APCDD1: variants seen among roughly 807,000 people sequenced by gnomAD.
APCDD1 encodes protein APCDD1.
APCDD1 carries 15 observed loss-of-function variants against 38.1 expected under a neutral mutation model. The ratio of observed to expected loss-of-function variants is 0.39; its 90% CI spans 0.26 to 0.61. APCDD1 has a LOEUF of 0.61. Ranked by LOEUF, APCDD1 falls within the 20% of genes least tolerant of loss-of-function variation. The pLI is 0.49. For missense variants in APCDD1, 647 were observed against 696.2 expected (o/e 0.93, Z 0.79); for synonymous variants, 261 against 279.7 (o/e 0.93, Z 0.67).
At chr18:10,479,509 G>A (rs1319857040) in intron 3 of APCDD1, among the ~76,000 whole-genome samples, 1 of 152,206 alleles carries the variant, frequency 6.6e-6, no homozygotes, top group Non-Finnish European at 1.5e-5. Flanking sequence ...AGAAAGCCTG[G>A]AGAATCCCCA....
rs913865447 is a variant in APCDD1, at chr18:10,476,831, A to C, written c.774+4770A>C. On this transcript the variant is annotated intron_variant, in intron 3 of 4. Coordinates refer to ENST00000355285, the MANE Select transcript of APCDD1 (RefSeq NM_153000.5). The surrounding 1 kb of genome is among the most constrained non-coding windows in gnomAD (Gnocchi z 5.8). ...TGGGAGTACCTGAGAACTGCAGAAA[A>C]AGAGCATGCTGTGCTTTCTCTCTCA... The C allele has an allele frequency of 6.6e-6, 1 of 152,250 alleles. No individual in the cohort carries two copies. The highest frequency in any genetic ancestry group is 1.5e-5 in the Non-Finnish European group (1 of 68,052). 9.4% of individuals were successfully genotyped at this position (152,250 alleles called of 1,614,324 possible). A position where few individuals can be genotyped will look rare whatever the true frequency, so the allele number is the denominator to read the frequency against.
rs2030967821 is a variant in APCDD1 at position 10,475,435 on chromosome 18, C to T, written c.774+3374C>T. ...AGGAAAAAAGGAAGTTATAAAATAG[C>T]GTGAATAATATGATACCATCTGCAT... On this transcript the variant is annotated intron_variant, in intron 3 of 4. Coordinates refer to ENST00000355285, the MANE Select transcript of APCDD1 (RefSeq NM_153000.5). This position sits in a 1 kb window ranked among gnomAD's most constrained non-coding sequence, Gnocchi z 4.0. Among the ~76,000 whole-genome samples the T allele has an allele frequency of 6.6e-6, 1 of 151,954 alleles. No homozygotes were observed. Among genetic ancestry groups the T allele is most frequent in the South Asian group, 2.1e-4 (1 of 4,810 alleles).
chr18:10,463,457 T>A (rs2030622972), intron 1 of APCDD1, among the ~76,000 whole-genome samples: 1 of 152,214 alleles, frequency 6.6e-6, no homozygotes, highest in South Asian at 2.1e-4. Context: ...AGCTCCTTAG[T>A]TGACCAGAAA....
At position 10,471,975 on chromosome 18, in the gene APCDD1, C is replaced by A. The variant is rs1191340876; in HGVS notation, c.688C>A (p.Leu230Ile). Residue 230 changes from leucine to isoleucine, a missense_variant, in exon 3 of 5, where the codon CTC (leucine) becomes ATC (isoleucine). Transcript: ENST00000355285. The surrounding 1 kb of genome is among the most constrained non-coding windows in gnomAD (Gnocchi z 5.5). ...HHNLDHLVEE[L>I]FLGDIHTDAT... Reference sequence around the variant, plus strand: ...CAACCTCGACCACCTGGTCGAGGAGCTCTTCCTTGGTGACATTCACACTGA... The same window carrying A: ...CAACCTCGACCACCTGGTCGAGGAGATCTTCCTTGGTGACATTCACACTGA... 2 of 1,614,072 alleles carry A rather than the reference C, an allele frequency of 1.2e-6. No homozygotes were observed. Among genetic ancestry groups the A allele is most frequent in the Non-Finnish European group, 1.7e-6 (2 of 1,180,034 alleles).
In APCDD1 at chr18:10,487,789, G is replaced by A. The variant is rs2031281635; in HGVS notation, c.1296G>A (p.Arg432=). 1.9e-6 allele frequency: 3 copies of A among 1,614,136 alleles called. No individual in the cohort carries two copies. Among genetic ancestry groups the A allele is most frequent in the Non-Finnish European group, 2.5e-6 (3 of 1,180,056 alleles). Reference sequence around the variant, plus strand: ...TCTTCAAAATGGAACAGGATGCCCGGGGGCGCTATCTGCTGTTCAACGGTC... The same window carrying A: ...TCTTCAAAATGGAACAGGATGCCCGAGGGCGCTATCTGCTGTTCAACGGTC... The part of the protein sequence containing the change: ...YEIFKMEQDA[R]GRYLLFNGQR... Residue 432 remains arginine (R), a synonymous_variant, in exon 5 of 5, where the codon CGG becomes CGA. Transcript: ENST00000355285.
In APCDD1 at chr18:10,456,016, G is replaced by T. The variant is rs922346790; in HGVS notation, c.58+977G>T. On this transcript the variant is annotated intron_variant, in intron 1 of 4. Transcript: ENST00000355285. ...CACAGCCACCCCAAACCTGTAGCGG[G>T]CTCCGGCTTCAGAATGCATGGTAGC... is the stretch of plus-strand genomic sequence containing the variant. 3.6e-4 allele frequency among the ~76,000 whole-genome samples: 55 copies of T among 152,184 alleles called. 1 individual carries two copies. The highest frequency in any genetic ancestry group is 1.3e-3 in the African/African-American group (54 of 41,438).
chr18:10,456,854 G>A (rs1024887316), intron 1 of APCDD1, among the ~76,000 whole-genome samples: 3 of 152,224 alleles, frequency 2.0e-5, no homozygotes, highest in African/African-American at 7.2e-5. Context: ...ACCCCATGGT[G>A]TTGGGAGGGG....
chr18:10,455,678 C>T (rs1376324053), intron 1 of APCDD1, among the ~76,000 whole-genome samples: 3 of 152,282 alleles, frequency 2.0e-5, no homozygotes, highest in Admixed American at 1.3e-4. Flanking sequence ...TTACCAGTCT[C>T]CCAATGTGCA....
intron 3 of APCDD1, among the ~76,000 whole-genome samples, chr18:10,482,186 A>G (rs1242941580): frequency 1.3e-5 from 2 of 152,152 alleles, no homozygotes; most frequent in Admixed American, 1.3e-4. Context: ...CTCTTCCTGA[A>G]TTGATCCTGG....
chr18:10,462,992 G>T (rs773891883), intron 1 of APCDD1, among the ~76,000 whole-genome samples: 3 of 151,676 alleles, frequency 2.0e-5, no homozygotes, highest in Non-Finnish European at 2.9e-5. Context: ...TCTTTTGGTG[G>T]CCCCCCCTTC....
intron 3 of APCDD1, among the ~76,000 whole-genome samples, chr18:10,480,048 G>C (rs968725896): frequency 1.3e-5 from 2 of 152,078 alleles, no homozygotes; most frequent in African/African-American, 4.8e-5. Flanking sequence ...ACACTTTCTG[G>C]TTCCTCTGCT....
Position 10,489,553 on chromosome 18 carries a change from G to A in APCDD1, c.*1515G>A. 6.6e-6 allele frequency: 1 copy of A among 152,256 alleles called. No individual in the cohort carries two copies. The highest frequency in any genetic ancestry group is 1.5e-5 in the Non-Finnish European group (1 of 68,070). 9.4% of individuals were successfully genotyped at this position (152,256 alleles called of 1,614,324 possible). ...TCTCTACTAAAAATACAAAAAATTA[G>A]CCAGGCGTGGTGGTGGGCACCTGTA... On this transcript the variant is annotated 3_prime_UTR_variant, in exon 5 of 5. Coordinates refer to ENST00000355285, the MANE Select transcript of APCDD1 (RefSeq NM_153000.5).
rs960050738 is a variant in APCDD1, at chr18:10,472,204, G to A, written c.774+143G>A. 7.4e-6 allele frequency: 9 copies of A among 1,209,036 alleles called. No individual in the cohort carries two copies. The African/African-American group carries it at 1.2e-4, about 16-fold the overall frequency. The allele number at this position is 1,209,036 out of a possible 1,614,324, so 74.9% of individuals were successfully genotyped here. ...CAGGCCAAGGTGGGGCTGCTGCGAGGTGGGAGGAGATGGGAAAGGCTGGGG... is the reference window on the plus strand; with the variant it reads ...CAGGCCAAGGTGGGGCTGCTGCGAGATGGGAGGAGATGGGAAAGGCTGGGG... On this transcript the variant is annotated intron_variant, in intron 3 of 4. Coordinates refer to ENST00000355285, the MANE Select transcript of APCDD1 (RefSeq NM_153000.5). The surrounding 1 kb of genome is among the most constrained non-coding windows in gnomAD (Gnocchi z 6.6).
chr18:10,459,272 G>A (rs1480907021), intron 1 of APCDD1, among the ~76,000 whole-genome samples: 1 of 152,036 alleles, frequency 6.6e-6, no homozygotes, highest in Admixed American at 6.5e-5. Context: ...ATGGCACACT[G>A]CAGTTGATTG....
chr18:10,456,874 G>T (rs1387068862), intron 1 of APCDD1, among the ~76,000 whole-genome samples: 1 of 152,244 alleles, frequency 6.6e-6, no homozygotes, highest in African/African-American at 2.4e-5. Context: ...GGATTGGGGA[G>T]CAAGGAAATA....
chr18:10,456,692 T>C (rs2030390699), intron 1 of APCDD1, among the ~76,000 whole-genome samples: 1 of 152,186 alleles, frequency 6.6e-6, no homozygotes, highest in African/African-American at 2.4e-5. Context: ...ACTTCCTATT[T>C]AGCAGTCCAA....
chr18:10,481,661 G>A (rs1235946983), intron 3 of APCDD1, among the ~76,000 whole-genome samples: 1 of 146,554 alleles, frequency 6.8e-6, no homozygotes, highest in African/African-American at 2.5e-5. Flanking sequence ...TCTATGTTAG[G>A]TATTTTTTTA....
intron 1 of APCDD1, among the ~76,000 whole-genome samples, chr18:10,466,009 A>C (rs2030705371): frequency 6.6e-6 from 1 of 152,206 alleles, no homozygotes; most frequent in Admixed American, 6.5e-5. Context: ...TTACAAATCA[A>C]GTTTTAGAAG....
chr18:10,478,851 C>A (rs1244365464), intron 3 of APCDD1, among the ~76,000 whole-genome samples: 2 of 152,070 alleles, frequency 1.3e-5, no homozygotes, highest in African/African-American at 4.8e-5. Context: ...CAAAATGAGC[C>A]CCAATTCACA....
Sources: gnomAD v4.1 joint callset for allele counts (sites outside exome capture counted in the v4.1 genomes callset) on GRCh38, gnomAD v4.1.1 for gene constraint, Gnocchi (gnomAD v3.1) non-coding constraint, MANE v1.5 for transcripts, NCBI Gene and HGNC (gene_info 2026-07-23, HGNC 2026-07-21) for gene names.